The following CEBPZ variants were observed in gnomAD, a reference collection of about 807,000 sequenced individuals.
CEBPZ encodes CCAAT enhancer binding protein zeta.
Under a neutral mutation model 104.5 loss-of-function variants are expected in CEBPZ, and 78 were observed. The observed-to-expected ratio is 0.75, with a 90% CI of 0.62 to 0.90. The LOEUF (loss-of-function observed/expected upper bound fraction) is 0.90. Among genes scored for constraint, CEBPZ ranks in the 40% least tolerant of loss-of-function variants. CEBPZ has a pLI of 0.00. For synonymous variants in CEBPZ, 470 were observed against 427.0 expected (o/e 1.10, Z -1.24); for missense variants, 1,439 against 1,233.5 (o/e 1.17, Z -2.50).
At chr2:37,215,050 A>G in intron 8 of CEBPZ, 98 bp from the exon 9 acceptor site, 1 of 790,876 alleles carries the variant, frequency 1.3e-6, no homozygotes, top group East Asian at 2.6e-5. Context: ...GTAATTCTAA[A>G]AATCTCAGAA....
intron 14 of CEBPZ, 29 bp from the exon 15 acceptor site, chr2:37,202,894 GAA>G: frequency 6.3e-7 from 1 of 1,592,948 alleles, no homozygotes; most frequent in Non-Finnish European, 8.6e-7. Flanking sequence ...AAATTTATTA[GAA>G]AACTAAAAAT....
At position 37,206,844 on chromosome 2, in the gene CEBPZ, C is replaced by CT. The variant is rs1677555404; in HGVS notation, c.2885-3837dup. On this transcript the variant is annotated intron_variant, in intron 13 of 15. Transcript: ENST00000234170. ...AAATACTACGTTGGATGTAAATGGC[C>CT]TAAATGCTCCTCTTAAAAGATACAT... 2.6e-5 allele frequency among the ~76,000 whole-genome samples: 4 copies of CT among 152,140 alleles called. No homozygotes were observed. In the South Asian group the frequency reaches 8.3e-4, roughly 32 times the overall value.
chr2:37,222,428 T>C lies in CEBPZ; in HGVS notation c.2017A>G (p.Thr673Ala). 1 of 1,601,434 alleles carries C rather than the reference T, an allele frequency of 6.2e-7. No individual in the cohort carries two copies. The highest frequency in any genetic ancestry group is 8.5e-7 in the Non-Finnish European group (1 of 1,176,332). ...EETVPETDVETKKPEVASWVH... is the reference protein window; with the variant it reads ...EETVPETDVEAKKPEVASWVH... ...CAGGAAGCAACCTCTGGTTTTTTGG[T>C]TTCTACATCAGTTTCAGGAACTGTT... The change falls in exon 4 of 16, where the codon ACC (threonine) becomes GCC (alanine). Residue 673 changes from threonine (T) to alanine (A), a missense_variant. Thr to Ala is a moderately conservative substitution (Grantham distance 58). Coordinates refer to ENST00000234170, the MANE Select transcript of CEBPZ (RefSeq NM_005760.3).
intron 13 of CEBPZ, chr2:37,209,498 C>T (rs1180511194): frequency 1.3e-5 from 2 of 152,156 alleles, no homozygotes; most frequent in East Asian, 1.9e-4. Context: ...CAAATACTTA[C>T]AACCATCTGA....
chr2:37,231,119 A>G (rs1416700145), intron 1 of CEBPZ, among the ~76,000 whole-genome samples: 1 of 152,260 alleles, frequency 6.6e-6, no homozygotes, highest in Non-Finnish European at 1.5e-5. Flanking sequence ...GTCAGGACCA[A>G]GAAAAGCCAC....
chr2:37,207,552 G>A (rs1412351196), intron 13 of CEBPZ, among the ~76,000 whole-genome samples: 1 of 152,172 alleles, frequency 6.6e-6, no homozygotes, highest in East Asian at 1.9e-4. Context: ...GCTCTTGAAT[G>A]ATCTTTGTGT....
intron 13 of CEBPZ, among the ~76,000 whole-genome samples, chr2:37,205,324 C>T (rs891646049): frequency 6.6e-6 from 1 of 152,126 alleles, no homozygotes; most frequent in African/African-American, 2.4e-5. Flanking sequence ...CATTCCACCA[C>T]AAAAGAAGTG....
intron 4 of CEBPZ, among the ~76,000 whole-genome samples, chr2:37,221,796 T>A (rs1421429129): frequency 6.6e-6 from 1 of 152,212 alleles, no homozygotes; most frequent in African/African-American, 2.4e-5. Context: ...AAGAAATGGG[T>A]CTGGCACCAC....
intron 4 of CEBPZ, 112 bp downstream of exon 4, chr2:37,222,268 A>T: frequency 1.0e-6 from 1 of 953,954 alleles, no homozygotes; most frequent in Non-Finnish European, 1.5e-6. Context: ...TGGGCAACAG[A>T]GTGAGACTCT....
In CEBPZ at chr2:37,223,361, C is replaced by A; in HGVS notation, c.1690G>T (p.Ala564Ser). 6.2e-7 allele frequency: 1 copy of A among 1,614,150 alleles called. No homozygotes were observed. Among genetic ancestry groups the A allele is most frequent in the Non-Finnish European group, 8.5e-7 (1 of 1,180,012 alleles). Residue 564 changes from alanine (A) to serine (S), a missense_variant, in exon 3 of 16, where the codon GCT becomes TCT. Ala to Ser is a moderately conservative substitution (Grantham distance 99). Transcript: ENST00000234170. The part of the protein sequence containing the change: ...DPGLMTCSKQ[A>S]MFLNLVYKSL... ...TTGTAGACAAGGTTAAGAAACATAGCTTGCTTGGAACACGTCATCAACCCT... is the reference window on the plus strand; with the variant it reads ...TTGTAGACAAGGTTAAGAAACATAGATTGCTTGGAACACGTCATCAACCCT...
chr2:37,219,074 G>A (rs907426996), intron 5 of CEBPZ, among the ~76,000 whole-genome samples: 4 of 152,120 alleles, frequency 2.6e-5, no homozygotes, highest in Non-Finnish European at 5.9e-5. Context: ...ATCTTTGCTC[G>A]AAAGCTTTAT....
At chr2:37,204,979 C>T (rs1242740185) in intron 13 of CEBPZ, among the ~76,000 whole-genome samples, 2 of 152,180 alleles carry the variant, frequency 1.3e-5, no homozygotes, top group African/African-American at 4.8e-5. Flanking sequence ...TAAAGCAACA[C>T]TTTTCTGTGG....
chr2:37,207,847 A>C (rs1275074721), intron 13 of CEBPZ, among the ~76,000 whole-genome samples: 1 of 152,168 alleles, frequency 6.6e-6, no homozygotes, highest in Non-Finnish European at 1.5e-5. Context: ...ACAAAAGATA[A>C]ATGAAACAAA....
At position 37,216,996 on chromosome 2, in the gene CEBPZ, C is replaced by G. The variant is rs1025320292; in HGVS notation, c.2196G>C (p.Lys732Asn). 2.5e-6 allele frequency: 4 copies of G among 1,612,426 alleles called. No homozygotes were observed. The highest frequency in any genetic ancestry group is 2.5e-6 in the Non-Finnish European group (3 of 1,178,742). The change falls in exon 6 of 16, where the codon AAG becomes AAC. Residue 732 changes from lysine (K) to asparagine (N), a missense_variant. Coordinates refer to ENST00000234170, the MANE Select transcript of CEBPZ (RefSeq NM_005760.3). ...ATTTTAGACTCACCTGAAGGATGGTCTTTGCAAAAAGGGCCACGGAGGGAT... is the reference window on the plus strand; with the variant it reads ...ATTTTAGACTCACCTGAAGGATGGTGTTTGCAAAAAGGGCCACGGAGGGAT... ...HFHPSVALFAKTILQGNYIQY... is the reference protein window; with the variant it reads ...HFHPSVALFANTILQGNYIQY...
Position 37,216,505 on chromosome 2 carries a change from A to G in CEBPZ, c.2209-87T>C, listed in dbSNP as rs1677870078. 9 of 902,600 alleles carry G rather than the reference A, an allele frequency of 1.0e-5. No homozygotes were observed. The Admixed American group carries it at 2.0e-4, about 20-fold the overall frequency. 55.9% of individuals were successfully genotyped at this position (902,600 alleles called of 1,614,324 possible). On this transcript the variant is annotated intron_variant, in intron 6 of 15. Coordinates refer to ENST00000234170, the MANE Select transcript of CEBPZ (RefSeq NM_005760.3). ...AAAAAGGAAGAAAAAGATAATTTCT[A>G]TTACACTGTATTGAAGATACAAATA...
intron 9 of CEBPZ, among the ~76,000 whole-genome samples, chr2:37,214,423 C>A (rs1677820660): frequency 6.6e-6 from 1 of 152,020 alleles, no homozygotes; most frequent in South Asian, 2.1e-4. Flanking sequence ...GGGCCATGGT[C>A]TGGATAAATT....
At chr2:37,212,422 A>G in intron 10 of CEBPZ, 30 bp from the exon 11 acceptor site, 1 of 1,570,320 alleles carries the variant, frequency 6.4e-7, no homozygotes, top group Non-Finnish European at 8.8e-7. Context: ...TGTGAGATAC[A>G]ACAAAGAATG....
rs142316500 is a variant in CEBPZ at position 37,217,268 on chromosome 2, G to A, written c.2155-231C>T. On this transcript the variant is annotated intron_variant, in intron 5 of 15. Coordinates refer to ENST00000234170, the MANE Select transcript of CEBPZ (RefSeq NM_005760.3). ...AAAAATAGTCAGGGTGTGATGGTGC[G>A]CGCGTGCCTGTACTCCCAGCTACTC... Among the ~76,000 whole-genome samples, 901 of 151,772 alleles carry A rather than the reference G, an allele frequency of 5.9e-3. 9 individuals are homozygous for A. Among genetic ancestry groups the A allele is most frequent in the African/African-American group, 0.02 (816 of 41,458 alleles).
intron 11 of CEBPZ, 105 bp from the exon 12 acceptor site, chr2:37,212,144 A>G: frequency 9.2e-7 from 1 of 1,084,058 alleles, no homozygotes; most frequent in East Asian, 2.4e-5. Flanking sequence ...AGAAGGAGAA[A>G]GCTTTGCAGA....
Sources: gnomAD v4.1 joint callset for allele counts (sites outside exome capture counted in the v4.1 genomes callset) on GRCh38, gnomAD v4.1.1 for gene constraint, MANE v1.5 for transcripts, NCBI Gene and HGNC (gene_info 2026-07-23, HGNC 2026-07-21) for gene names.